Variants in TBC1D24 observed in about 807,000 individuals in gnomAD.
TBC1D24 encodes the protein Infantile myoclonic epilepsy.
Under a neutral mutation model 50.7 loss-of-function variants are expected in TBC1D24, and 47 were observed. That is an observed-to-expected ratio of 0.93 (90% CI 0.73 to 1.18). TBC1D24 has a LOEUF of 1.18. TBC1D24 is among the 50% of genes most tolerant of loss of function. The probability of loss-of-function intolerance (pLI) is 0.00; values close to 1 mark genes in which losing one functional copy is unlikely to be tolerated. For missense variants in TBC1D24, 688 were observed against 766.5 expected (o/e 0.90, Z 1.21); for synonymous variants, 324 against 335.2 (o/e 0.97, Z 0.36).
chr16:2,496,805 G>A lies in TBC1D24; in HGVS notation c.657G>A (p.Glu219=), dbSNP rs587781187. 4.8e-4 allele frequency: 774 copies of A among 1,614,020 alleles called. 4 individuals are homozygous for A. The highest frequency in any genetic ancestry group is 9.7e-5 in the Non-Finnish European group (115 of 1,180,044). ...YADWQRWLFG[E]LPLCYFARVF... Reference sequence around the variant, plus strand: ...ACTGGCAGCGCTGGCTGTTTGGGGAGCTGCCCCTCTGCTACTTCGCCCGGG... The same window carrying A: ...ACTGGCAGCGCTGGCTGTTTGGGGAACTGCCCCTCTGCTACTTCGCCCGGG... The change falls in exon 2 of 8, where the codon GAG becomes GAA. Residue 219 remains glutamate, a synonymous_variant. Coordinates refer to ENST00000646147, the MANE Select transcript of TBC1D24 (RefSeq NM_001199107.2).
rs73490289 is a variant in TBC1D24, at chr16:2,500,994, G to A, written c.*36G>A. 1,366 of 1,603,484 alleles carry A rather than the reference G, an allele frequency of 8.5e-4. 6 individuals are homozygous for A. The highest frequency in any genetic ancestry group is 6.3e-3 in the South Asian group (573 of 90,972). On this transcript the variant is annotated 3_prime_UTR_variant, in exon 8 of 8. Transcript: ENST00000646147. This position sits in a 1 kb window ranked among gnomAD's most constrained non-coding sequence, Gnocchi z 8.0. ...CACGGTGACTGAGCCGTGGTGGGGC[G>A]GTGGGCCGAGGCTGGGCTGCCGCCT...
At position 2,497,868 on chromosome 16, in the gene TBC1D24, G is replaced by C. The variant is rs1231751038; in HGVS notation, c.983+141G>C. On this transcript the variant is annotated intron_variant, in intron 3 of 7. Coordinates refer to ENST00000646147, the MANE Select transcript of TBC1D24 (RefSeq NM_001199107.2). The stretch of plus-strand genomic sequence containing the variant: ...TGCCTCTGAGCCGGACTGATGCTCA[G>C]GCGCCTTCTGTCTGTCTGTCTGCCT... The C allele has an allele frequency of 3.5e-6, 3 of 856,038 alleles. No individual in the cohort carries two copies. In the Admixed American group the frequency reaches 6.4e-5, roughly 18 times the overall value. The allele number at this position is 856,038 out of a possible 1,614,324, so 53.0% of individuals were successfully genotyped here. A position where few individuals can be genotyped will look rare whatever the true frequency, so the allele number is the denominator to read the frequency against.
At chr16:2,494,247 A>G (rs2065718951) in intron 1 of TBC1D24, among the ~76,000 whole-genome samples, 1 of 152,092 alleles carries the variant, frequency 6.6e-6, no homozygotes, top group South Asian at 2.1e-4. Context: ...CCCCATCTCT[A>G]CTAAAAATAC....
intron 1 of TBC1D24, 111 bp from the exon 2 acceptor site, chr16:2,495,923 G>A: frequency 1.8e-6 from 1 of 559,850 alleles, no homozygotes. Context: ...GGGCAACAGA[G>A]CGAGACCCTG....
rs766052989 is a variant in TBC1D24, at chr16:2,500,791, G to A, written c.1526-13G>A. 10 of 1,600,028 alleles carry A rather than the reference G, an allele frequency of 6.2e-6. No individual in the cohort carries two copies. In the Admixed American group the frequency reaches 1.3e-4, roughly 21 times the overall value. The stretch of plus-strand genomic sequence containing the variant: ...AGGGCAGTCAGGCCGCCACTGACCT[G>A]AGCATCCTGCAGGGGGAGGAGGCGG... On this transcript the variant is annotated splice_polypyrimidine_tract_variant and intron_variant, in intron 7 of 7. Coordinates refer to ENST00000646147, the MANE Select transcript of TBC1D24 (RefSeq NM_001199107.2). This position sits in a 1 kb window ranked among gnomAD's most constrained non-coding sequence, Gnocchi z 8.0.
At position 2,496,874 on chromosome 16, in the gene TBC1D24, C is replaced by T. The variant is rs772786813; in HGVS notation, c.726C>T (p.Arg242=). Residue 242 remains arginine, a synonymous_variant, in exon 2 of 8, where the codon CGC becomes CGT. Coordinates refer to ENST00000646147, the MANE Select transcript of TBC1D24 (RefSeq NM_001199107.2). ...TGGAGGGCTACAAGGTGCTGTACCG[C>T]GTGGCGCTGGCCATCCTCAAGTTCT... The part of the protein sequence containing the change: ...FLVEGYKVLY[R]VALAILKFFH... The T allele has an allele frequency of 9.9e-6, 16 of 1,614,128 alleles. No individual in the cohort carries two copies. Among genetic ancestry groups the T allele is most frequent in the African/African-American group, 1.3e-5 (1 of 75,054 alleles).
chr16:2,494,484 C>T (rs1053442895), intron 1 of TBC1D24, among the ~76,000 whole-genome samples: 3 of 151,802 alleles, frequency 2.0e-5, no homozygotes, highest in Non-Finnish European at 4.4e-5. Flanking sequence ...CTGGGGGTTC[C>T]TTTTCAGAAG....
In TBC1D24 at chr16:2,487,993, G is replaced by A. The variant is rs553634924; in HGVS notation, c.-115-8041G>A. Reference sequence around the variant, plus strand: ...GGGTGAGCTGCTTGTCTGCTGGAGCGAAGGGGCCAGCTGCCCCGCTGGGGC... The same window carrying A: ...GGGTGAGCTGCTTGTCTGCTGGAGCAAAGGGGCCAGCTGCCCCGCTGGGGC... On this transcript the variant is annotated intron_variant, in intron 1 of 7. Transcript: ENST00000646147. This position sits in a 1 kb window ranked among gnomAD's most constrained non-coding sequence, Gnocchi z 4.1. Among the ~76,000 whole-genome samples, 114 of 152,340 alleles carry A rather than the reference G, an allele frequency of 7.5e-4. No individual in the cohort carries two copies. The highest frequency in any genetic ancestry group is 1.4e-3 in the Non-Finnish European group (93 of 68,022).
rs369613814 is a variant in TBC1D24 at position 2,496,325 on chromosome 16, C to A, written c.177C>A (p.Ile59=). ...GGGGAAAGGTGTACCAGCGCCTGAT[C>A]CGGGACATTCCCTGCCGCACGGTCA... ...ALRGKVYQRL[I]RDIPCRTVTP... is the part of the protein sequence containing the mutation. Residue 59 remains isoleucine, a synonymous_variant, in exon 2 of 8, where the codon ATC becomes ATA. Transcript: ENST00000646147. The A allele has an allele frequency of 6.2e-7, 1 of 1,613,516 alleles. No homozygotes were observed. The highest frequency in any genetic ancestry group is 1.7e-5 in the Admixed American group (1 of 60,010).
Position 2,497,113 on chromosome 16 carries a change from G to A in TBC1D24, c.965G>A (p.Ser322Asn), listed in dbSNP as rs1567412410. 6.2e-7 allele frequency: 1 copy of A among 1,601,254 alleles called. No homozygotes were observed. ...AAGGGCATCACCGTGAAGCAGAAGA[G>A]GTAGGTCGCCGGCAGCCTGTGAGGG... ...KQKGITVKQK[S>N]VSLSKRQFVH... Residue 322 changes from serine to asparagine, a missense_variant and splice_region_variant, in exon 2 of 8, where the codon AGT becomes AAT. Physicochemically the swap from Ser to Asn is conservative, Grantham distance 46. Transcript: ENST00000646147.
At chr16:2,495,263 A>G (rs1356090181) in intron 1 of TBC1D24, among the ~76,000 whole-genome samples, 1 of 152,148 alleles carries the variant, frequency 6.6e-6, no homozygotes, top group African/African-American at 2.4e-5. Context: ...TGGGAGGATC[A>G]CCTGAGCCCA....
intron 1 of TBC1D24, chr16:2,477,695 G>A (rs1344762494): frequency 6.6e-6 from 1 of 152,206 alleles, no homozygotes. Context: ...GAGGAGACAG[G>A]AGAATAAACA....
chr16:2,476,397 C>G (rs888454640), intron 1 of TBC1D24, among the ~76,000 whole-genome samples: 2 of 152,202 alleles, frequency 1.3e-5, no homozygotes, highest in Non-Finnish European at 1.5e-5. Flanking sequence ...TTTTAAGGAA[C>G]ACACACTGGG....
chr16:2,500,534 C>T lies in TBC1D24; in HGVS notation c.1525+44C>T, dbSNP rs771007616. 1.5e-4 allele frequency: 228 copies of T among 1,524,770 alleles called. No individual in the cohort carries two copies. The highest frequency in any genetic ancestry group is 1.9e-4 in the Non-Finnish European group (213 of 1,133,724). The allele number at this position is 1,524,770 out of a possible 1,614,324, so 94.5% of individuals were successfully genotyped here. A position where few individuals can be genotyped will look rare whatever the true frequency, so the allele number is the denominator to read the frequency against. On this transcript the variant is annotated intron_variant, in intron 7 of 7. Transcript: ENST00000646147. This position sits in a 1 kb window ranked among gnomAD's most constrained non-coding sequence, Gnocchi z 8.0. Reference sequence around the variant, plus strand: ...GGCTCTGGGATGAGGGTGTGGGGTCCGGGCAGCTGAAGCTGCTGCACCCAG... The same window carrying T: ...GGCTCTGGGATGAGGGTGTGGGGTCTGGGCAGCTGAAGCTGCTGCACCCAG...
Position 2,499,288 on chromosome 16 carries a change from A to C in TBC1D24, c.1143-69A>C. 6.9e-7 allele frequency: 1 copy of C among 1,443,042 alleles called. No individual in the cohort carries two copies. The highest frequency in any genetic ancestry group is 9.6e-7 in the Non-Finnish European group (1 of 1,039,322). The allele number at this position is 1,443,042 out of a possible 1,614,324, so 89.4% of individuals were successfully genotyped here. ...TCTTCGCCCCAAGACAGCTGGGGCC[A>C]GCGGAGGCTGCAGGAGGCGGCTGGG... is the stretch of plus-strand genomic sequence containing the variant. On this transcript the variant is annotated intron_variant, in intron 4 of 7. Transcript: ENST00000646147. The surrounding 1 kb of genome is among the most constrained non-coding windows in gnomAD (Gnocchi z 4.0).
intron 1 of TBC1D24, chr16:2,481,226 G>C (rs747555616): frequency 6.6e-6 from 1 of 152,228 alleles, no homozygotes; most frequent in Admixed American, 6.6e-5. Context: ...ACTGGCATTC[G>C]GGAAGCATGT....
intron 1 of TBC1D24, chr16:2,479,985 A>AC (rs1425645168): frequency 6.6e-6 from 1 of 152,092 alleles, no homozygotes; most frequent in African/African-American, 2.4e-5. Context: ...GGCGTGTGCC[A>AC]CCATGCCCAG....
intron 2 of TBC1D24, among the ~76,000 whole-genome samples, 188 bp from the exon 3 acceptor site, chr16:2,497,522 T>C (rs1358743199): frequency 6.6e-6 from 1 of 152,098 alleles, no homozygotes; most frequent in East Asian, 1.9e-4. Flanking sequence ...GGGTCAGGAG[T>C]TCATGGTGTC....
Position 2,504,414 on chromosome 16 carries a change from C to CTTTTTTTTTTT in TBC1D24, c.*3468_*3478dup, listed in dbSNP as rs901354911. 1.5e-3 allele frequency: 185 copies of CTTTTTTTTTTT among 125,652 alleles called. 8 individuals are homozygous for CTTTTTTTTTTT. The highest frequency in any genetic ancestry group is 5.9e-3 in the African/African-American group (176 of 29,978). 7.8% of individuals were successfully genotyped at this position (125,652 alleles called of 1,614,324 possible). ...AACCACAGGCCTATTGAGATTGTCC[C>CTTTTTTTTTTT]TTTTTTTTTTTTTTTTTTTTTTGAG... On this transcript the variant is annotated 3_prime_UTR_variant, in exon 8 of 8. Transcript: ENST00000646147.
Sources: allele counts gnomAD v4.1 joint callset (sites outside exome capture counted in the v4.1 genomes callset), GRCh38; gene constraint gnomAD v4.1.1; non-coding constraint Gnocchi (gnomAD v3.1); transcripts MANE v1.5; gene names NCBI Gene and HGNC (gene_info 2026-07-23, HGNC 2026-07-21).